Variants in MIPOL1 observed in about 807,000 individuals in gnomAD.
MIPOL1 encodes the protein mirror-image polydactyly gene 1 protein.
A neutral mutation model predicts 60.9 loss-of-function variants in MIPOL1; 57 were observed. The ratio of observed to expected loss-of-function variants is 0.94; its 90% CI spans 0.76 to 1.17. MIPOL1 has a LOEUF of 1.17. MIPOL1 is among the 50% of genes most tolerant of loss of function. The pLI is 0.00. For missense variants in MIPOL1, 551 were observed against 511.6 expected, an observed-to-expected ratio of 1.08 and a Z score of -0.74; for synonymous variants, 179 against 168.8, an observed-to-expected ratio of 1.06 and a Z score of -0.47.
At chr14:37,222,823 T>C (rs553237011) in intron 1 of MIPOL1, among the ~76,000 whole-genome samples, 1 of 152,300 alleles carries the variant, frequency 6.6e-6, no homozygotes, top group Admixed American at 6.5e-5. Flanking sequence ...TTCCTCCAAA[T>C]ATTTCCAGCC....
At chr14:37,342,262 C>A (rs1436935903) in intron 9 of MIPOL1, among the ~76,000 whole-genome samples, 1 of 151,766 alleles carries the variant, frequency 6.6e-6, no homozygotes, top group Non-Finnish European at 1.5e-5. Flanking sequence ...GAGGCTGAGA[C>A]AGGAGAATCG....
Position 37,500,029 on chromosome 14 carries a change from G to A in MIPOL1, c.1153G>A (p.Glu385Lys). The change falls in exon 12 of 13, where the codon GAG becomes AAG. Residue 385 changes from glutamate to lysine, a missense_variant. Coordinates refer to ENST00000684589, the MANE Select transcript of MIPOL1 (RefSeq NM_001388067.1). ...NIVSITQQQN[E>K]ELATQLQQAL... Reference sequence around the variant, plus strand: ...TGTTTCCATCACTCAACAACAAAATGAGGAACTGGCTACTCAACTGCAACA... The same window carrying A: ...TGTTTCCATCACTCAACAACAAAATAAGGAACTGGCTACTCAACTGCAACA... The A allele has an allele frequency of 4.3e-6, 7 of 1,613,842 alleles. No individual in the cohort carries two copies. The highest frequency in any genetic ancestry group is 5.9e-6 in the Non-Finnish European group (7 of 1,179,856).
At chr14:37,291,224 C>T (rs1241813040) in intron 7 of MIPOL1, among the ~76,000 whole-genome samples, 1 of 152,048 alleles carries the variant, frequency 6.6e-6, no homozygotes, top group Non-Finnish European at 1.5e-5. Context: ...ACAACTGGCT[C>T]ATGAAAATTT....
chr14:37,213,722 G>C (rs574986168), intron 1 of MIPOL1, among the ~76,000 whole-genome samples: 1 of 152,198 alleles, frequency 6.6e-6, no homozygotes, highest in African/African-American at 2.4e-5. Flanking sequence ...GTACAAGAAA[G>C]TTATAGAACA....
intron 11 of MIPOL1, among the ~76,000 whole-genome samples, chr14:37,448,989 C>T (rs1190005792): frequency 1.3e-5 from 2 of 152,128 alleles, no homozygotes; most frequent in Admixed American, 6.6e-5. Flanking sequence ...TCAAACATTT[C>T]TAACTCATTT....
Position 37,394,057 on chromosome 14 carries a change from CATATATAT to C in MIPOL1, c.936+24454_936+24461del, listed in dbSNP as rs56361320. Among the ~76,000 whole-genome samples the C allele has an allele frequency of 5.2e-3, 378 of 73,300 alleles. 24 individuals are homozygous for C. The highest frequency in any genetic ancestry group is 0.015 in the African/African-American group (325 of 21,028). 48.1% of individuals were successfully genotyped at this position (73,300 alleles called of 152,430 possible). ...ATTCCTTTTTATGGCTTAGTAGTGG[CATATATAT>C]ATATATATATATATATATATCTCCA... is the stretch of plus-strand genomic sequence containing the variant. On this transcript the variant is annotated intron_variant, in intron 10 of 12. Transcript: ENST00000684589.
chr14:37,498,492 A>T (rs1003992322), intron 11 of MIPOL1, among the ~76,000 whole-genome samples: 2 of 152,204 alleles, frequency 1.3e-5, no homozygotes, highest in African/African-American at 2.4e-5. Context: ...AAGAATGCAG[A>T]AAGTGAGAGG....
At chr14:37,241,583 G>A (rs996343347) in intron 1 of MIPOL1, among the ~76,000 whole-genome samples, 5 of 150,426 alleles carry the variant, frequency 3.3e-5, no homozygotes, top group African/African-American at 1.2e-4. Context: ...TGGGGGTGAG[G>A]GGGTGGGGGT....
chr14:37,450,735 T>A (rs1594400473), intron 11 of MIPOL1, among the ~76,000 whole-genome samples: 2 of 152,280 alleles, frequency 1.3e-5, no homozygotes, highest in South Asian at 4.1e-4. Context: ...AATAGACAGA[T>A]GTTATACTTT....
At chr14:37,322,064 T>A (rs1023845121) in intron 9 of MIPOL1, among the ~76,000 whole-genome samples, 1 of 152,030 alleles carries the variant, frequency 6.6e-6, no homozygotes, top group African/African-American at 2.4e-5. Context: ...TAGGCATCCC[T>A]CTGTCCATCA....
chr14:37,356,064 G>T (rs1173230878), intron 9 of MIPOL1, among the ~76,000 whole-genome samples: 1 of 147,190 alleles, frequency 6.8e-6, no homozygotes, highest in South Asian at 2.3e-4. Flanking sequence ...TTTGATGATG[G>T]TGATGTACAG....
intron 1 of MIPOL1, among the ~76,000 whole-genome samples, chr14:37,206,652 G>A (rs1055440374): frequency 1.3e-5 from 2 of 152,202 alleles, no homozygotes; most frequent in African/African-American, 2.4e-5. Flanking sequence ...ACACTGATAC[G>A]TGAAAGCAGC....
intron 9 of MIPOL1, among the ~76,000 whole-genome samples, chr14:37,329,907 G>T (rs1306070673): frequency 2.0e-5 from 3 of 152,006 alleles, no homozygotes; most frequent in Non-Finnish European, 4.4e-5. Context: ...TCATTACAAT[G>T]GTATTATTTA....
At chr14:37,260,037 C>T (rs1289899569) in intron 3 of MIPOL1, among the ~76,000 whole-genome samples, 1 of 151,972 alleles carries the variant, frequency 6.6e-6, no homozygotes, top group Non-Finnish European at 1.5e-5. Context: ...TGTGTTGGTA[C>T]TTAATAAGTG....
intron 7 of MIPOL1, among the ~76,000 whole-genome samples, chr14:37,287,249 G>A (rs2084651531): frequency 2.0e-5 from 3 of 151,346 alleles, no homozygotes; most frequent in African/African-American, 7.3e-5. Flanking sequence ...ATATGTATGG[G>A]TTGGTTGGTT....
At position 37,369,614 on chromosome 14, in the gene MIPOL1, G is replaced by A. The variant is rs778762357; in HGVS notation, c.926G>A (p.Arg309His). The A allele has an allele frequency of 1.4e-5, 23 of 1,612,110 alleles. No homozygotes were observed. The highest frequency in any genetic ancestry group is 1.1e-4 in the East Asian group (5 of 44,802). ...RHLTAENNQE[R>H]ALKAKLLSMQ... ...CTGACTGCTGAAAACAATCAAGAAC[G>A]TGCTCTGAAGGTAAATCTCCGTTCC... The change falls in exon 10 of 13, where the codon CGT becomes CAT. Residue 309 changes from arginine to histidine, a missense_variant. Arg to His is a conservative substitution (Grantham distance 29). Coordinates refer to ENST00000684589, the MANE Select transcript of MIPOL1 (RefSeq NM_001388067.1).
chr14:37,460,861 C>T (rs549917535), intron 11 of MIPOL1, among the ~76,000 whole-genome samples: 24 of 152,050 alleles, frequency 1.6e-4, no homozygotes, highest in African/African-American at 3.1e-4. Context: ...TTCTAGGTGA[C>T]GCAAATGGAA....
At chr14:37,357,359 A>T (rs977636866) in intron 9 of MIPOL1, among the ~76,000 whole-genome samples, 1 of 150,090 alleles carries the variant, frequency 6.7e-6, no homozygotes, top group Admixed American at 6.6e-5. Flanking sequence ...TGCTTGTGGG[A>T]TATTGCTCAA....
intron 12 of MIPOL1, among the ~76,000 whole-genome samples, chr14:37,543,086 C>T (rs1036673813): frequency 6.6e-6 from 1 of 152,038 alleles, no homozygotes. Flanking sequence ...CCACCAAAAC[C>T]AGAATCCTGG....
Sources: gnomAD v4.1 joint callset for allele counts (sites outside exome capture counted in the v4.1 genomes callset) on GRCh38, gnomAD v4.1.1 for gene constraint, MANE v1.5 for transcripts, NCBI Gene and HGNC (gene_info 2026-07-23, HGNC 2026-07-21) for gene names.